The following PKHD1 variants were observed in gnomAD, a reference collection of about 807,000 sequenced individuals.
The protein encoded by PKHD1 is fibrocystin.
A neutral mutation model predicts 412.0 loss-of-function variants in PKHD1; 291 were observed. The observed-to-expected ratio is 0.71, with a 90% CI of 0.64 to 0.78. The LOEUF (loss-of-function observed/expected upper bound fraction) is 0.78, where lower values mean the gene tolerates loss of function less well. PKHD1 is among the 30% of genes least tolerant of loss of function. PKHD1 has a pLI of 0.00. For missense variants in PKHD1, 4,825 were observed against 4,950.7 expected (o/e 0.97, Z 0.76); for synonymous variants, 1,777 against 1,821.5 (o/e 0.98, Z 0.62).
chr6:51,733,316 G>A (rs115825414), intron 60 of PKHD1, among the ~76,000 whole-genome samples: 4,305 of 152,000 alleles, frequency 0.028, 189 homozygotes, highest in African/African-American at 0.094. Flanking sequence ...CGAGATGGGC[G>A]GATCACAAGG....
rs758390540 is a variant in PKHD1, at chr6:52,024,912, G to A, written c.4898C>T (p.Ser1633Phe). The change falls in exon 32 of 67, where the codon TCT (serine) becomes TTT (phenylalanine). Residue 1633 changes from serine to phenylalanine, a missense_variant. Physicochemically the swap from Ser to Phe is radical, Grantham distance 155. Transcript: ENST00000371117. ...IRCIVPTGNG[S>F]VALEIEVDGL... ...ATCTACCTCTATTTCCAGGGCAACA[G>A]AGCCATTCCCTGTGGGAACAATGCA... The A allele has an allele frequency of 5.0e-6, 8 of 1,614,176 alleles. No individual in the cohort carries two copies. Among genetic ancestry groups the A allele is most frequent in the Non-Finnish European group, 5.9e-6 (7 of 1,180,030 alleles).
intron 49 of PKHD1, 90 bp downstream of exon 49, chr6:51,855,803 C>T (rs1452335416): frequency 5.0e-6 from 5 of 1,006,634 alleles, no homozygotes. Flanking sequence ...AACGAGATAA[C>T]CTGCTCCTCT....
chr6:51,758,300 C>T (rs1024968779), intron 55 of PKHD1, among the ~76,000 whole-genome samples: 4 of 152,116 alleles, frequency 2.6e-5, no homozygotes, highest in African/African-American at 9.7e-5. Flanking sequence ...AGCATTGCCC[C>T]TTCCACGTCT....
At chr6:51,670,632 C>T (rs1774771333) in intron 60 of PKHD1, among the ~76,000 whole-genome samples, 1 of 151,920 alleles carries the variant, frequency 6.6e-6, no homozygotes, top group Non-Finnish European at 1.5e-5. Context: ...CATGCAGTTT[C>T]TTCCTAGTCT....
rs1773661560 is a variant in PKHD1 at position 51,858,526 on chromosome 6, C to T, written c.7734-2456G>A. On this transcript the variant is annotated intron_variant, in intron 48 of 66. Transcript: ENST00000371117. Reference sequence around the variant, plus strand: ...AACACACTAGAAATATCTAAATTTCCTCAAGTACAGGGAATGATTATAAGT... The same window carrying T: ...AACACACTAGAAATATCTAAATTTCTTCAAGTACAGGGAATGATTATAAGT... Among the ~76,000 whole-genome samples, 4 of 152,256 alleles carry T rather than the reference C, an allele frequency of 2.6e-5. No homozygotes were observed. In the South Asian group the frequency reaches 8.3e-4, roughly 32 times the overall value.
chr6:51,829,813 A>C (rs751977460), intron 52 of PKHD1, among the ~76,000 whole-genome samples: 7 of 152,146 alleles, frequency 4.6e-5, no homozygotes, highest in African/African-American at 7.2e-5. Context: ...CATTTTAGAA[A>C]GGGAATGTGC....
At chr6:51,779,610 T>C (rs1562293308) in intron 53 of PKHD1, among the ~76,000 whole-genome samples, 2 of 152,122 alleles carry the variant, frequency 1.3e-5, no homozygotes, top group Non-Finnish European at 2.9e-5. Flanking sequence ...AGAAAACAAT[T>C]GGAATAAAGA....
In PKHD1 at chr6:52,025,475, A is replaced by T. The variant is rs1802017006; in HGVS notation, c.4335T>A (p.Val1445=). Residue 1445 remains valine (V), a synonymous_variant, in exon 32 of 67, where the codon GTT becomes GTA. Coordinates refer to ENST00000371117, the MANE Select transcript of PKHD1 (RefSeq NM_138694.4). ...CAGGCAAGGGGTCACCCTCCAGGCT[A>T]ACCTGGCAGAGAATGGTGTGGTCTC... is the stretch of plus-strand genomic sequence containing the variant. ...SLGDHTILCQ[V]SLEGDPLPGA... 3.1e-6 allele frequency: 5 copies of T among 1,611,612 alleles called. No homozygotes were observed. In the East Asian group the frequency reaches 1.1e-4, roughly 36 times the overall value.
chr6:51,973,116 A>G (rs1038294796), intron 35 of PKHD1, among the ~76,000 whole-genome samples: 4 of 152,224 alleles, frequency 2.6e-5, no homozygotes, highest in Non-Finnish European at 4.4e-5. Context: ...CCATCCAAAA[A>G]TCAACTATCA....
chr6:51,793,303 T>G (rs556716215), intron 52 of PKHD1, among the ~76,000 whole-genome samples: 1 of 152,240 alleles, frequency 6.6e-6, no homozygotes, highest in Non-Finnish European at 1.5e-5. Context: ...GAAGCAAAAT[T>G]TGTAAAAACA....
chr6:52,054,554 C>T (rs952501193), intron 19 of PKHD1, among the ~76,000 whole-genome samples: 2 of 152,190 alleles, frequency 1.3e-5, no homozygotes, highest in East Asian at 3.9e-4. Flanking sequence ...AGTTCCTCAA[C>T]TCTAACTCCC....
chr6:51,752,858 C>G (rs1786323024), intron 57 of PKHD1, among the ~76,000 whole-genome samples: 1 of 152,136 alleles, frequency 6.6e-6, no homozygotes, highest in African/African-American at 2.4e-5. Flanking sequence ...TCAGATATAG[C>G]ATGCTACTGG....
intron 28 of PKHD1, among the ~76,000 whole-genome samples, chr6:52,034,566 C>A (rs576022992): frequency 3.7e-4 from 56 of 152,190 alleles, no homozygotes; most frequent in African/African-American, 1.3e-3. Context: ...CACACACGTG[C>A]ACAATGATGG....
intron 54 of PKHD1, among the ~76,000 whole-genome samples, chr6:51,774,442 G>T (rs1202142095): frequency 6.6e-6 from 1 of 151,898 alleles, no homozygotes; most frequent in Non-Finnish European, 1.5e-5. Context: ...GTGTTATCAC[G>T]CTACAGAAAA....
At chr6:51,650,898 T>A (rs1023251380) in intron 61 of PKHD1, among the ~76,000 whole-genome samples, 2 of 152,158 alleles carry the variant, frequency 1.3e-5, no homozygotes, top group African/African-American at 2.4e-5. Flanking sequence ...CCAGATTTTT[T>A]AAATCCATGC....
At chr6:51,949,288 G>A (rs1185735941) in intron 36 of PKHD1, among the ~76,000 whole-genome samples, 1 of 152,168 alleles carries the variant, frequency 6.6e-6, no homozygotes, top group African/African-American at 2.4e-5. Flanking sequence ...AGTCGAGGAA[G>A]CCTGTGGAAT....
chr6:51,844,226 G>A (rs1247416914), intron 50 of PKHD1, among the ~76,000 whole-genome samples: 1 of 152,134 alleles, frequency 6.6e-6, no homozygotes, highest in African/African-American at 2.4e-5. Flanking sequence ...TGTAAACAAA[G>A]CCACTGAGGC....
chr6:51,656,692 G>C (rs1457430400), intron 61 of PKHD1, among the ~76,000 whole-genome samples: 2 of 149,368 alleles, frequency 1.3e-5, no homozygotes, highest in African/African-American at 4.9e-5. Flanking sequence ...ACAGTATCTG[G>C]CTCTGTCACC....
At chr6:51,983,374 G>C (rs1444788433) in intron 35 of PKHD1, among the ~76,000 whole-genome samples, 1 of 152,132 alleles carries the variant, frequency 6.6e-6, no homozygotes, top group Non-Finnish European at 1.5e-5. Flanking sequence ...CAGCATATGA[G>C]CACATAATCA....
Sources: gnomAD v4.1 joint callset for allele counts (sites outside exome capture counted in the v4.1 genomes callset) on GRCh38, gnomAD v4.1.1 for gene constraint, MANE v1.5 for transcripts, NCBI Gene and HGNC (gene_info 2026-07-23, HGNC 2026-07-21) for gene names.